Variants in EFCAB8 observed in about 807,000 individuals in gnomAD.
EFCAB8 encodes EF-hand calcium binding domain 8.
EFCAB8 carries 100 observed loss-of-function variants against 116.3 expected under a neutral mutation model. That is an observed-to-expected ratio of 0.86 (90% confidence interval 0.73 to 1.02). The LOEUF (loss-of-function observed/expected upper bound fraction) is 1.02, where lower values mean the gene tolerates loss of function less well. EFCAB8 is among the 50% of genes least tolerant of loss of function. The pLI is 0.00. For missense variants in EFCAB8, 1,320 were observed against 1,416.9 expected, an observed-to-expected ratio of 0.93 and a Z score of 1.10; for synonymous variants, 558 against 567.9, an observed-to-expected ratio of 0.98 and a Z score of 0.25.
chr20:32,927,937 T>A (rs1987736292), intron 20 of EFCAB8, among the ~76,000 whole-genome samples: 1 of 152,200 alleles, frequency 6.6e-6, no homozygotes, highest in Non-Finnish European at 1.5e-5. Context: ...ATCACCACTA[T>A]CCATTCATCT....
At chr20:32,899,550 T>C (rs1385499554) in intron 11 of EFCAB8, among the ~76,000 whole-genome samples, 3 of 152,154 alleles carry the variant, frequency 2.0e-5, no homozygotes, top group African/African-American at 7.2e-5. Flanking sequence ...GACCCAGTTA[T>C]CAAAAGCCAC....
intron 14 of EFCAB8, 30 bp from the exon 15 acceptor site, chr20:32,909,791 C>T (rs1422214060): frequency 8.6e-7 from 1 of 1,162,748 alleles, no homozygotes; most frequent in Non-Finnish European, 1.1e-6. Flanking sequence ...TTCTGACAGA[C>T]AAGCTCTCTG....
At chr20:32,865,628 T>G (rs1568895643) in intron 2 of EFCAB8, among the ~76,000 whole-genome samples, 1 of 151,734 alleles carries the variant, frequency 6.6e-6, no homozygotes, top group Non-Finnish European at 1.5e-5. Flanking sequence ...TGAAACCCTG[T>G]CTCTACTAAA....
chr20:32,878,508 C>CT (rs1292839813), intron 4 of EFCAB8, among the ~76,000 whole-genome samples, 196 bp from the exon 5 acceptor site: 45,083 of 116,618 alleles, frequency 0.39, 10,889 homozygotes, highest in Non-Finnish European at 0.53. Context: ...GGCTTGAGTT[C>CT]TTTTTTTTTT....
chr20:32,956,251 C>A (rs960995071), intron 23 of EFCAB8, among the ~76,000 whole-genome samples: 1 of 151,950 alleles, frequency 6.6e-6, no homozygotes, highest in Non-Finnish European at 1.5e-5. Context: ...TATTTTATTT[C>A]TACATATGTT....
Position 32,906,866 on chromosome 20 carries a change from A to G in EFCAB8, c.1180A>G (p.Ile394Val), listed in dbSNP as rs1162503292. The G allele has an allele frequency of 6.5e-7, 1 of 1,535,246 alleles. No homozygotes were observed. The highest frequency in any genetic ancestry group is 8.8e-7 in the Non-Finnish European group (1 of 1,132,218). The change falls in exon 13 of 27, where the codon ATC becomes GTC. Residue 394 changes from isoleucine (I) to valine (V), a missense_variant. Transcript: ENST00000400522. ...AGTGACTGGTGGCTACGATGCCTTCATCCGCCTGTGGAACCCCTTTGTCTC... is the reference window on the plus strand; with the variant it reads ...AGTGACTGGTGGCTACGATGCCTTCGTCCGCCTGTGGAACCCCTTTGTCTC... The part of the protein sequence containing the change: ...FLVTGGYDAF[I>V]RLWNPFVSKR...
At chr20:32,929,417 T>A (rs1568935883) in intron 20 of EFCAB8, among the ~76,000 whole-genome samples, 1 of 151,884 alleles carries the variant, frequency 6.6e-6, no homozygotes, top group Non-Finnish European at 1.5e-5. Flanking sequence ...TAATTGAGAT[T>A]TTTTTCTTTC....
chr20:32,892,163 C>A, intron 7 of EFCAB8, 50 bp from the exon 8 acceptor site: 1 of 1,488,822 alleles, frequency 6.7e-7, no homozygotes, highest in South Asian at 1.2e-5. Context: ...TGACTGAAGA[C>A]CTCCCAGGCA....
At chr20:32,961,114 C>G in intron 26 of EFCAB8, 22 bp from the exon 27 acceptor site, 1 of 1,548,552 alleles carries the variant, frequency 6.5e-7, no homozygotes, top group South Asian at 1.2e-5. Context: ...CCCATTCCCG[C>G]TCCCCACTCT....
intron 23 of EFCAB8, among the ~76,000 whole-genome samples, chr20:32,952,479 G>T (rs1477249784): frequency 1.3e-5 from 2 of 152,262 alleles, no homozygotes; most frequent in South Asian, 2.1e-4. Flanking sequence ...ATAGCCACTT[G>T]TTCCAGCACT....
chr20:32,925,960 G>A (rs1273925587), intron 20 of EFCAB8, among the ~76,000 whole-genome samples: 2 of 152,208 alleles, frequency 1.3e-5, no homozygotes, highest in African/African-American at 4.8e-5. Context: ...TTGGTTACCT[G>A]TCCCTCGCAG....
chr20:32,943,541 CCAA>C, intron 22 of EFCAB8, 92 bp from the exon 23 acceptor site: 1 of 415,980 alleles, frequency 2.4e-6, no homozygotes, highest in South Asian at 1.4e-4. Flanking sequence ...CAGGGCCCTT[CCAA>C]CTGGGCTCTG....
chr20:32,941,263 A>C (rs1334425710), intron 22 of EFCAB8, among the ~76,000 whole-genome samples: 3 of 149,192 alleles, frequency 2.0e-5, no homozygotes, highest in Non-Finnish European at 4.5e-5. Flanking sequence ...CTGTTTAAAA[A>C]AAAAAAAAGA....
In EFCAB8 at chr20:32,959,772, C is replaced by T. The variant is rs1989080626; in HGVS notation, c.3090-6C>T. 2 of 1,476,290 alleles carry T rather than the reference C, an allele frequency of 1.4e-6. No homozygotes were observed. Among genetic ancestry groups the T allele is most frequent in the Non-Finnish European group, 1.8e-6 (2 of 1,108,904 alleles). 91.4% of individuals were successfully genotyped at this position (1,476,290 alleles called of 1,614,324 possible). A position where few individuals can be genotyped will look rare whatever the true frequency, so the allele number is the denominator to read the frequency against. ...GACATCTTGTGAAGGAAAGCCCCCA[C>T]ACTAGGGAGCAGCGGGATCTGGCTG... is the stretch of plus-strand genomic sequence containing the variant. On this transcript the variant is annotated splice_polypyrimidine_tract_variant and splice_region_variant and intron_variant, in intron 24 of 26. Transcript: ENST00000400522.
rs1988261361 is a variant in EFCAB8, at chr20:32,939,132, TTTCTTTCTTTCTTTC to T, written c.2791-4501_2791-4487del. ...TTCTTTCTCTCTTTCTTTCTCTTTC[TTTCTTTCTTTCTTTC>T]TTTCTTTCTTTCTTTCTTTCTTTCT... On this transcript the variant is annotated intron_variant, in intron 22 of 26. Coordinates refer to ENST00000400522, the MANE Select transcript of EFCAB8 (RefSeq NM_001143967.2). 9.7e-5 allele frequency among the ~76,000 whole-genome samples: 2 copies of T among 20,690 alleles called. 1 individual carries two copies. Among genetic ancestry groups the T allele is most frequent in the Admixed American group, 9.6e-4 (2 of 2,082 alleles). 13.6% of individuals were successfully genotyped at this position (20,690 alleles called of 152,430 possible).
intron 22 of EFCAB8, among the ~76,000 whole-genome samples, chr20:32,934,320 A>G (rs1429589875): frequency 6.6e-6 from 1 of 152,068 alleles, no homozygotes; most frequent in East Asian, 1.9e-4. Flanking sequence ...TCCATTATGT[A>G]TATACACCAC....
chr20:32,957,591 T>C (rs1989010277), intron 23 of EFCAB8, among the ~76,000 whole-genome samples: 1 of 152,210 alleles, frequency 6.6e-6, no homozygotes, highest in African/African-American at 2.4e-5. Flanking sequence ...TCGGCTTTTC[T>C]ATACCAGCAC....
intron 23 of EFCAB8, among the ~76,000 whole-genome samples, chr20:32,954,670 C>A (rs977564935): frequency 6.6e-6 from 1 of 152,092 alleles, no homozygotes; most frequent in Non-Finnish European, 1.5e-5. Flanking sequence ...GCTCTATGAT[C>A]CATCTTCAAT....
chr20:32,867,880 A>C (rs1053890833), intron 3 of EFCAB8, 133 bp downstream of exon 3: 7 of 1,056,452 alleles, frequency 6.6e-6, no homozygotes, highest in Admixed American at 2.8e-5. Flanking sequence ...TTGCTCTGTC[A>C]CCCAGTCTGG....
Sources: gnomAD v4.1 joint callset for allele counts (sites outside exome capture counted in the v4.1 genomes callset) on GRCh38, gnomAD v4.1.1 for gene constraint, MANE v1.5 for transcripts, NCBI Gene and HGNC (gene_info 2026-07-23, HGNC 2026-07-21) for gene names.